The following UNC5C variants were observed in gnomAD, a reference collection of about 807,000 sequenced individuals.
UNC5C encodes the protein netrin receptor UNC5C.
A neutral mutation model predicts 99.8 loss-of-function variants in UNC5C; 47 were observed. That is an observed-to-expected ratio of 0.47 (90% CI 0.37 to 0.60). The LOEUF is 0.60. Ranked by LOEUF, UNC5C falls within the 20% of genes least tolerant of loss-of-function variation. UNC5C has a pLI of 0.00. For missense variants in UNC5C, 1,062 were observed against 1,165.9 expected (o/e 0.91, Z 1.30); for synonymous variants, 487 against 452.2 (o/e 1.08, Z -0.98).
At chr4:95,198,001 T>G (rs2149358609) in intron 12 of UNC5C, among the ~76,000 whole-genome samples, 1 of 149,048 alleles carries the variant, frequency 6.7e-6, no homozygotes, top group South Asian at 2.2e-4. Flanking sequence ...TTTTTTTTTT[T>G]TTAAGAGATG....
intron 1 of UNC5C, among the ~76,000 whole-genome samples, chr4:95,454,308 A>G (rs1018940039): frequency 2.6e-5 from 4 of 152,132 alleles, no homozygotes; most frequent in Non-Finnish European, 2.9e-5. Context: ...ATATGCAGAA[A>G]AAGGTGGAAG....
chr4:95,366,516 GA>G (rs1467070409), intron 1 of UNC5C, among the ~76,000 whole-genome samples: 24 of 152,164 alleles, frequency 1.6e-4, no homozygotes, highest in African/African-American at 5.8e-4. Context: ...TATGTTTTGA[GA>G]AATTGCTTCA....
At chr4:95,543,529 T>A (rs1722970423) in intron 1 of UNC5C, among the ~76,000 whole-genome samples, 1 of 152,250 alleles carries the variant, frequency 6.6e-6, no homozygotes, top group Non-Finnish European at 1.5e-5. Flanking sequence ...CGTGTTGACC[T>A]ATTTTTATGT....
chr4:95,492,142 C>T (rs1721511094), intron 1 of UNC5C, among the ~76,000 whole-genome samples: 1 of 151,286 alleles, frequency 6.6e-6, no homozygotes, highest in Admixed American at 6.6e-5. Flanking sequence ...GCTATATTTC[C>T]TATGCTATTT....
intron 1 of UNC5C, among the ~76,000 whole-genome samples, chr4:95,481,213 T>C (rs1390713827): frequency 1.1e-4 from 16 of 151,662 alleles, no homozygotes; most frequent in Non-Finnish European, 1.6e-4. Flanking sequence ...TATACACCAA[T>C]AACAGACAAA....
At chr4:95,307,586 T>C (rs1742107427) in intron 2 of UNC5C, among the ~76,000 whole-genome samples, 1 of 152,222 alleles carries the variant, frequency 6.6e-6, no homozygotes, top group African/African-American at 2.4e-5. Flanking sequence ...TTCCAAAAAA[T>C]TAAAGAAAAG....
chr4:95,365,818 T>G (rs1351971015), intron 1 of UNC5C, among the ~76,000 whole-genome samples: 1 of 152,190 alleles, frequency 6.6e-6, no homozygotes, highest in Non-Finnish European at 1.5e-5. Context: ...TTTCTAGAGA[T>G]CTGAGCTCAG....
rs370109532 is a variant in UNC5C, at chr4:95,357,716, C to G, written c.125-22085G>C. On this transcript the variant is annotated intron_variant, in intron 1 of 15. Transcript: ENST00000453304. ...CTGAGGTGAAGGGATCACTTGAGCC[C>G]AGGAGGTTGAGGCTGTAGTAAGCAT... 3.4e-4 allele frequency among the ~76,000 whole-genome samples: 52 copies of G among 152,030 alleles called. No homozygotes were observed. In the Middle Eastern group the frequency reaches 9.5e-3, roughly 28 times the overall value.
At chr4:95,319,942 C>T (rs1410234409) in intron 2 of UNC5C, among the ~76,000 whole-genome samples, 1 of 152,112 alleles carries the variant, frequency 6.6e-6, no homozygotes, top group Non-Finnish European at 1.5e-5. Flanking sequence ...TAATTACCAA[C>T]CAGTTTACTT....
chr4:95,400,074 A>C (rs916231311), intron 1 of UNC5C, among the ~76,000 whole-genome samples: 2 of 152,204 alleles, frequency 1.3e-5, no homozygotes, highest in Non-Finnish European at 2.9e-5. Context: ...ATTTGCATAT[A>C]TATAGACTGT....
chr4:95,520,385 G>T (rs1942667743), intron 1 of UNC5C, among the ~76,000 whole-genome samples: 1 of 152,030 alleles, frequency 6.6e-6, no homozygotes, highest in South Asian at 2.1e-4. Flanking sequence ...GTACTTGTCA[G>T]GTTATATTAG....
chr4:95,279,047 T>C (rs1272481417), intron 3 of UNC5C, among the ~76,000 whole-genome samples: 1 of 152,170 alleles, frequency 6.6e-6, no homozygotes, highest in Admixed American at 6.6e-5. Context: ...CCCTTATGTA[T>C]ATACATATTT....
chr4:95,362,240 G>T (rs1319100826), intron 1 of UNC5C, among the ~76,000 whole-genome samples: 1 of 151,996 alleles, frequency 6.6e-6, no homozygotes, highest in Non-Finnish European at 1.5e-5. Flanking sequence ...TTTCCCACTC[G>T]CTTCCCCTCC....
chr4:95,269,808 G>T (rs1422420338), intron 4 of UNC5C, among the ~76,000 whole-genome samples: 1 of 151,960 alleles, frequency 6.6e-6, no homozygotes, highest in Non-Finnish European at 1.5e-5. Flanking sequence ...TGCCTCCTGG[G>T]TTCAAGTGAT....
At chr4:95,196,132 T>C (rs1737372171) in intron 12 of UNC5C, among the ~76,000 whole-genome samples, 1 of 152,190 alleles carries the variant, frequency 6.6e-6, no homozygotes, top group Non-Finnish European at 1.5e-5. Context: ...CACATAGACG[T>C]ATGTTTCTCC....
rs1738279050 is a variant in UNC5C at position 95,217,083 on chromosome 4, A to G, written c.1646-872T>C. Among the ~76,000 whole-genome samples, 4 of 152,238 alleles carry G rather than the reference A, an allele frequency of 2.6e-5. No individual in the cohort carries two copies. The South Asian group carries it at 8.3e-4, about 31-fold the overall frequency. ...CCATCATTTGATTCCCCTAAAATCC[A>G]GCTTCCTTCAGCTCCATACAAATTT... On this transcript the variant is annotated intron_variant, in intron 9 of 15. Coordinates refer to ENST00000453304, the MANE Select transcript of UNC5C (RefSeq NM_003728.4).
chr4:95,449,622 CAGT>C (rs927452588), intron 1 of UNC5C, among the ~76,000 whole-genome samples: 1 of 152,136 alleles, frequency 6.6e-6, no homozygotes, highest in Non-Finnish European at 1.5e-5. Flanking sequence ...AAAGTGGTGG[CAGT>C]TCTTAGTCAG....
chr4:95,312,129 T>C (rs1323401080), intron 2 of UNC5C, among the ~76,000 whole-genome samples: 1 of 152,038 alleles, frequency 6.6e-6, no homozygotes, highest in African/African-American at 2.4e-5. Flanking sequence ...CGTAAGGAGA[T>C]AAGGTCTCTG....
intron 1 of UNC5C, among the ~76,000 whole-genome samples, chr4:95,454,906 T>G (rs1236142012): frequency 6.6e-6 from 1 of 152,078 alleles, no homozygotes; most frequent in African/African-American, 2.4e-5. Flanking sequence ...ATTTAAAAAT[T>G]AAGTTAGATT....
Sources: gnomAD v4.1 joint callset for allele counts (sites outside exome capture counted in the v4.1 genomes callset) on GRCh38, gnomAD v4.1.1 for gene constraint, MANE v1.5 for transcripts, NCBI Gene and HGNC (gene_info 2026-07-23, HGNC 2026-07-21) for gene names.